Variants in UBE3B observed in about 807,000 individuals in gnomAD.
UBE3B encodes ubiquitin-protein ligase E3B.
A neutral mutation model predicts 132.3 loss-of-function variants in UBE3B; 80 were observed. That is an observed-to-expected ratio of 0.60 (90% CI 0.50 to 0.73). The LOEUF (loss-of-function observed/expected upper bound fraction) is 0.73. Ranked by LOEUF, UBE3B falls within the 30% of genes least tolerant of loss-of-function variation. The pLI, the probability that UBE3B is intolerant of heterozygous loss-of-function variation, is 0.00. For synonymous variants in UBE3B, 487 were observed against 520.4 expected, an observed-to-expected ratio of 0.94 and a Z score of 0.87; for missense variants, 1,196 against 1,362.5, an observed-to-expected ratio of 0.88 and a Z score of 1.92.
intron 7 of UBE3B, among the ~76,000 whole-genome samples, chr12:109,489,518 G>A (rs563225726): frequency 2.0e-5 from 3 of 152,296 alleles, no homozygotes; most frequent in South Asian, 2.1e-4. Context: ...CTGGCCTCTT[G>A]GGGGGAACCC....
At chr12:109,504,401 T>G (rs904156767) in intron 14 of UBE3B, among the ~76,000 whole-genome samples, 12 of 152,254 alleles carry the variant, frequency 7.9e-5, no homozygotes, top group African/African-American at 2.7e-4. Context: ...GATTTAGATT[T>G]GTTTTAGAGG....
Position 109,522,090 on chromosome 12 carries a change from C to G in UBE3B, c.2364+539C>G, listed in dbSNP as rs1881781773. On this transcript the variant is annotated intron_variant, in intron 21 of 27. Transcript: ENST00000342494. The surrounding 1 kb of genome is among the most constrained non-coding windows in gnomAD (Gnocchi z 4.2). ...AGTCAGCCGTGTGACCATGTGCCTT[C>G]AAGTTTCTTTAGTTTTTAAGCCGTG... 1.3e-5 allele frequency among the ~76,000 whole-genome samples: 2 copies of G among 152,220 alleles called. No individual in the cohort carries two copies. The highest frequency in any genetic ancestry group is 4.8e-5 in the African/African-American group (2 of 41,444).
intron 6 of UBE3B, 97 bp from the exon 7 acceptor site, chr12:109,488,475 C>G (rs1010179712): frequency 1.8e-5 from 19 of 1,082,046 alleles, no homozygotes; most frequent in Non-Finnish European, 2.7e-5. Flanking sequence ...CTCAGTGATT[C>G]CAGGCTGAGT....
chr12:109,488,290 A>G (rs898037791), intron 6 of UBE3B, among the ~76,000 whole-genome samples: 5 of 152,214 alleles, frequency 3.3e-5, no homozygotes, highest in Admixed American at 1.3e-4. Flanking sequence ...ATGTACATAC[A>G]GCAAGCCAGC....
At position 109,534,127 on chromosome 12, in the gene UBE3B, G is replaced by A. The variant is rs1680980744; in HGVS notation, c.3016-464G>A. 1 of 1,293,466 alleles carries A rather than the reference G, an allele frequency of 7.7e-7. No homozygotes were observed. Among genetic ancestry groups the A allele is most frequent in the African/African-American group, 1.5e-5 (1 of 66,126 alleles). 80.1% of individuals were successfully genotyped at this position (1,293,466 alleles called of 1,614,324 possible). ...GGGTGTAGCTGCCTCTCATGATGCA[G>A]TTTGAGCCCGTGATGCCACCTTGTA... On this transcript the variant is annotated intron_variant, in intron 27 of 27. Coordinates refer to ENST00000342494, the MANE Select transcript of UBE3B (RefSeq NM_130466.4). This position sits in a 1 kb window ranked among gnomAD's most constrained non-coding sequence, Gnocchi z 5.2.
intron 15 of UBE3B, chr12:109,508,818 T>G: frequency 1.1e-6 from 1 of 893,774 alleles, no homozygotes; most frequent in South Asian, 5.1e-5. Flanking sequence ...ATATGTTCTT[T>G]CAAACATTTA....
chr12:109,517,520 C>T (rs1214202329), intron 19 of UBE3B, among the ~76,000 whole-genome samples: 1 of 152,156 alleles, frequency 6.6e-6, no homozygotes, highest in Non-Finnish European at 1.5e-5. Flanking sequence ...ACCGTGCCTC[C>T]AATCTGCTGG....
At chr12:109,481,038 G>C (rs1203623571) in intron 1 of UBE3B, among the ~76,000 whole-genome samples, 1 of 151,344 alleles carries the variant, frequency 6.6e-6, no homozygotes, top group Non-Finnish European at 1.5e-5. Context: ...CCGGGAGGCG[G>C]AGCTTGCAGT....
chr12:109,510,980 T>A (rs1880297144), intron 17 of UBE3B, among the ~76,000 whole-genome samples: 1 of 152,220 alleles, frequency 6.6e-6, no homozygotes, highest in South Asian at 2.1e-4. Flanking sequence ...GACTTTAGGC[T>A]TTGTGGACCA....
downstream of UBE3B, among the ~76,000 whole-genome samples, chr12:109,541,442 T>C (rs73198406): frequency 0.053 from 8,147 of 152,328 alleles, 302 homozygotes; most frequent in Non-Finnish European, 0.082. Flanking sequence ...TGAATAACAG[T>C]TCCTGCCTGC....
rs758821239 is a variant in UBE3B, at chr12:109,521,295, GTT to G, written c.2228_2229del (p.Phe743Ter). The G allele has an allele frequency of 3.1e-6, 5 of 1,614,220 alleles. No homozygotes were observed. Among genetic ancestry groups the G allele is most frequent in the Non-Finnish European group, 4.2e-6 (5 of 1,180,040 alleles). On this transcript the variant is annotated frameshift_variant, in exon 20 of 28. Coordinates refer to ENST00000342494, the MANE Select transcript of UBE3B (RefSeq NM_130466.4). LOFTEE classifies it high-confidence loss of function. The surrounding 1 kb of genome is among the most constrained non-coding windows in gnomAD (Gnocchi z 4.2). ...KEFLEEIIKRVFDPALNLFKT... is the reference protein window; with the variant it reads ...KEFLEEIIKRXFDPALNLFKT... Reference sequence around the variant, plus strand: ...GTTCTTGGAAGAGATCATCAAGAGAGTTTTTGACCCAGCACTCAATCTGTTCA... The same window carrying G: ...GTTCTTGGAAGAGATCATCAAGAGAGTTTGACCCAGCACTCAATCTGTTCA...
At chr12:109,481,216 C>T (rs905948712) in intron 1 of UBE3B, among the ~76,000 whole-genome samples, 3 of 151,254 alleles carry the variant, frequency 2.0e-5, no homozygotes, top group African/African-American at 7.3e-5. Flanking sequence ...ACTTGGGAGG[C>T]TGAAGCAGGA....
At chr12:109,491,249 A>G (rs1877427045) in intron 9 of UBE3B, 122 bp downstream of exon 9, 3 of 849,778 alleles carry the variant, frequency 3.5e-6, no homozygotes, top group Non-Finnish European at 3.5e-6. Flanking sequence ...ATTTATGGGA[A>G]GCATTGTTCT....
At chr12:109,531,251 T>C (rs1011349251) in intron 26 of UBE3B, among the ~76,000 whole-genome samples, 9 of 152,318 alleles carry the variant, frequency 5.9e-5, no homozygotes, top group Non-Finnish European at 1.0e-4. Flanking sequence ...TCCCCAGTTA[T>C]GGTGTCTGTA....
chr12:109,541,454 A>G (rs1204279847), downstream of UBE3B, among the ~76,000 whole-genome samples: 1 of 152,220 alleles, frequency 6.6e-6, no homozygotes, highest in Non-Finnish European at 1.5e-5. Flanking sequence ...CCTGCCTGCC[A>G]TGAGGATTAA....
At chr12:109,506,452 G>A (rs1397445670) in intron 14 of UBE3B, among the ~76,000 whole-genome samples, 3 of 152,174 alleles carry the variant, frequency 2.0e-5, no homozygotes, top group Non-Finnish European at 4.4e-5. Flanking sequence ...AGGTTCAAGC[G>A]ATTCTCCTGC....
At position 109,480,172 on chromosome 12, in the gene UBE3B, G is replaced by A. The variant is rs554377762; in HGVS notation, c.-127-1465G>A. Among the ~76,000 whole-genome samples, 5 of 151,910 alleles carry A rather than the reference G, an allele frequency of 3.3e-5. No homozygotes were observed. The East Asian group carries it at 9.7e-4, about 29-fold the overall frequency. ...GAGAACCTTAGTAACTGTCCAGGTGGGAGCCTCTGCTGAAGAGTTTTTTTT... is the reference window on the plus strand; with the variant it reads ...GAGAACCTTAGTAACTGTCCAGGTGAGAGCCTCTGCTGAAGAGTTTTTTTT... On this transcript the variant is annotated intron_variant, in intron 1 of 27. Coordinates refer to ENST00000342494, the MANE Select transcript of UBE3B (RefSeq NM_130466.4).
chr12:109,508,572 ATGT>A (rs1462027689), intron 15 of UBE3B: 5 of 985,404 alleles, frequency 5.1e-6, no homozygotes, highest in Non-Finnish European at 1.2e-6. Flanking sequence ...TCAGGCAGTT[ATGT>A]TCAGGCTGGA....
At chr12:109,478,666 A>G (rs1276846061) in intron 1 of UBE3B, among the ~76,000 whole-genome samples, 1 of 152,178 alleles carries the variant, frequency 6.6e-6, no homozygotes, top group Non-Finnish European at 1.5e-5. Context: ...CTTTAATCCC[A>G]GCGACTTGGG....
Sources: allele counts gnomAD v4.1 joint callset (sites outside exome capture counted in the v4.1 genomes callset), GRCh38; gene constraint gnomAD v4.1.1; non-coding constraint Gnocchi (gnomAD v3.1); transcripts MANE v1.5; gene names NCBI Gene and HGNC (gene_info 2026-07-23, HGNC 2026-07-21).